TJP2: variants seen among roughly 807,000 people sequenced by gnomAD.
TJP2 encodes the protein tight junction protein 2.
A neutral mutation model predicts 133.1 loss-of-function variants in TJP2; 91 were observed. The observed-to-expected ratio is 0.68, with a 90% CI of 0.58 to 0.81. TJP2 has a LOEUF of 0.81. TJP2 is among the 40% of genes least tolerant of loss of function. The pLI, the probability that TJP2 is intolerant of heterozygous loss-of-function variation, is 0.00. For synonymous variants in TJP2, 592 were observed against 583.4 expected (o/e 1.01, Z -0.21); for missense variants, 1,541 against 1,565.6 (o/e 0.98, Z 0.26).
intron 1 of TJP2, among the ~76,000 whole-genome samples, chr9:69,201,148 GTCTT>G (rs1826960132): frequency 6.6e-6 from 1 of 152,278 alleles, no homozygotes; most frequent in East Asian, 1.9e-4. Flanking sequence ...GGGGTGATTT[GTCTT>G]TCTGTCCACA....
At position 69,247,982 on chromosome 9, in the gene TJP2, C is replaced by T. The variant is rs113671582; in HGVS notation, c.2668-30C>T. On this transcript the variant is annotated intron_variant, in intron 18 of 22. Coordinates refer to ENST00000377245, the MANE Select transcript of TJP2 (RefSeq NM_004817.4). The stretch of plus-strand genomic sequence containing the variant: ...CCACTCCCAGGAGCCACATCAGACC[C>T]CACTGACCGTCCAACACAAATTCCT... 3,735 of 1,561,942 alleles carry T rather than the reference C, an allele frequency of 2.4e-3. 73 individuals are homozygous for T. The African/African-American group carries it at 0.044, about 18-fold the overall frequency.
Position 69,249,324 on chromosome 9 carries a change from G to T in TJP2, c.2881-51G>T, listed in dbSNP as rs764718364. The T allele has an allele frequency of 4.5e-6, 7 of 1,562,416 alleles. No homozygotes were observed. The African/African-American group carries it at 5.4e-5, about 12-fold the overall frequency. On this transcript the variant is annotated intron_variant, in intron 19 of 22. Coordinates refer to ENST00000377245, the MANE Select transcript of TJP2 (RefSeq NM_004817.4). ...CTCCTCCAAAGCAGTCGAGTGCTCT[G>T]TTCTCTCTGCTTGGATGTTCTTGTT...
intron 2 of TJP2, among the ~76,000 whole-genome samples, chr9:69,152,820 T>G (rs1162148170): frequency 1.5e-5 from 1 of 66,478 alleles, no homozygotes; most frequent in African/African-American, 6.5e-5. Flanking sequence ...TGGAGCTCTT[T>G]TTTTTTTTTT....
chr9:69,220,744 C>G (rs934505986), intron 4 of TJP2, 143 bp from the exon 5 acceptor site: 3 of 756,914 alleles, frequency 4.0e-6, no homozygotes, highest in Non-Finnish European at 6.7e-6. Context: ...TTTTATTGTC[C>G]GTTTCCGGAT....
intron 2 of TJP2, among the ~76,000 whole-genome samples, chr9:69,213,937 T>A (rs1427666955): frequency 2.6e-5 from 4 of 152,184 alleles, no homozygotes; most frequent in African/African-American, 4.8e-5. Context: ...TTGTGTATAA[T>A]CAGTCAGCAT....
intron 1 of TJP2, among the ~76,000 whole-genome samples, chr9:69,129,467 C>T (rs1822392389): frequency 1.3e-5 from 2 of 152,028 alleles, no homozygotes; most frequent in African/African-American, 4.8e-5. Flanking sequence ...GCTGTGATTG[C>T]ACCACTGCAC....
intron 1 of TJP2, among the ~76,000 whole-genome samples, chr9:69,149,386 A>G (rs1366619848): frequency 6.6e-6 from 1 of 152,178 alleles, no homozygotes; most frequent in African/African-American, 2.4e-5. Context: ...AATAATAGAA[A>G]CCATGTATGG....
intron 2 of TJP2, among the ~76,000 whole-genome samples, chr9:69,213,640 A>G (rs1828114047): frequency 6.6e-6 from 1 of 152,264 alleles, no homozygotes; most frequent in South Asian, 2.1e-4. Flanking sequence ...CCAGGTACCC[A>G]GACTTCCAGA....
intron 1 of TJP2, among the ~76,000 whole-genome samples, chr9:69,134,419 A>G (rs1291597163): frequency 6.6e-6 from 1 of 152,158 alleles, no homozygotes; most frequent in Non-Finnish European, 1.5e-5. Context: ...AGGAAGTTGG[A>G]ATGTTGATAC....
intron 1 of TJP2, among the ~76,000 whole-genome samples, chr9:69,133,588 G>A (rs930539874): frequency 8.0e-6 from 1 of 125,174 alleles, no homozygotes; most frequent in African/African-American, 3.1e-5. Context: ...GTCTCGCTCT[G>A]TCACCCAGGC....
chr9:69,178,313 CAG>C (rs1825245093), intron 1 of TJP2, among the ~76,000 whole-genome samples: 1 of 152,124 alleles, frequency 6.6e-6, no homozygotes, highest in Admixed American at 6.5e-5. Flanking sequence ...GGAATAAAAA[CAG>C]AAAACCAGCT....
At chr9:69,215,989 G>A (rs924962806) in intron 2 of TJP2, among the ~76,000 whole-genome samples, 12 of 152,264 alleles carry the variant, frequency 7.9e-5, no homozygotes, top group African/African-American at 1.9e-4. Flanking sequence ...GTTCCAGCTC[G>A]GGCCAGCATG....
chr9:69,218,145 C>T, intron 3 of TJP2, 112 bp from the exon 4 acceptor site: 1 of 879,192 alleles, frequency 1.1e-6, no homozygotes, highest in Non-Finnish European at 1.9e-6. Context: ...AGACACTGAG[C>T]CCTTTAGAAA....
At chr9:69,146,007 G>A (rs1460024272) in intron 1 of TJP2, among the ~76,000 whole-genome samples, 1 of 151,986 alleles carries the variant, frequency 6.6e-6, no homozygotes. Flanking sequence ...TGAAATTGTT[G>A]GATAATATTC....
At chr9:69,132,781 C>T (rs987089365) in intron 1 of TJP2, among the ~76,000 whole-genome samples, 1 of 152,046 alleles carries the variant, frequency 6.6e-6, no homozygotes, top group Non-Finnish European at 1.5e-5. Context: ...TGGGGATATA[C>T]CAAAGGCCCT....
At chr9:69,138,940 G>A (rs575742038) in intron 1 of TJP2, among the ~76,000 whole-genome samples, 2 of 144,884 alleles carry the variant, frequency 1.4e-5, no homozygotes, top group South Asian at 4.5e-4. Flanking sequence ...GGGGCTGGGT[G>A]CAGTGGCTCG....
chr9:69,173,456 GACCTACTGGCA>G (rs1824801093), upstream of TJP2, among the ~76,000 whole-genome samples: 1 of 152,198 alleles, frequency 6.6e-6, no homozygotes, highest in African/African-American at 2.4e-5. Context: ...AAGCACTTGT[GACCTACTGGCA>G]ACCTTTTATA....
At chr9:69,244,710 G>A (rs1230286844) in intron 17 of TJP2, among the ~76,000 whole-genome samples, 1 of 152,224 alleles carries the variant, frequency 6.6e-6, no homozygotes, top group Non-Finnish European at 1.5e-5. Context: ...CTTCATGTCT[G>A]TGCACCTGCC....
At chr9:69,184,550 C>T (rs559114555) in intron 1 of TJP2, among the ~76,000 whole-genome samples, 23 of 152,246 alleles carry the variant, frequency 1.5e-4, no homozygotes, top group Middle Eastern at 3.4e-3. Context: ...ACGTGTACCT[C>T]GCTGGTAGAA....
Sources: allele counts gnomAD v4.1 joint callset (sites outside exome capture counted in the v4.1 genomes callset), GRCh38; gene constraint gnomAD v4.1.1; transcripts MANE v1.5; gene names NCBI Gene and HGNC (gene_info 2026-07-23, HGNC 2026-07-21).